Variants in ZNF710 observed in about 807,000 individuals in gnomAD.
The protein encoded by ZNF710 is zinc finger protein 710.
ZNF710 carries 13 observed loss-of-function variants against 50.6 expected under a neutral mutation model. That is an observed-to-expected ratio of 0.26 (90% CI 0.17 to 0.41). ZNF710 has a LOEUF of 0.41. Ranked by LOEUF, ZNF710 falls within the 10% of genes least tolerant of loss-of-function variation. The pLI, the probability that ZNF710 is intolerant of heterozygous loss-of-function variation, is 1.00. For synonymous variants in ZNF710, 383 were observed against 397.0 expected (o/e 0.96, Z 0.42); for missense variants, 721 against 936.6 (o/e 0.77, Z 3.01).
In ZNF710 at chr15:90,004,361, G is replaced by A. The variant is rs190461011; in HGVS notation, c.-29+2747G>A. Among the ~76,000 whole-genome samples the A allele has an allele frequency of 2.6e-5, 4 of 152,324 alleles. No homozygotes were observed. In the East Asian group the frequency reaches 5.8e-4, roughly 22 times the overall value. On this transcript the variant is annotated intron_variant, in intron 1 of 4. Transcript: ENST00000268154. Reference sequence around the variant, plus strand: ...TAAATAAATAAAGGAGGAGTCCAGCGCATCTTGGAGGAGACAAGTGAAGTC... The same window carrying A: ...TAAATAAATAAAGGAGGAGTCCAGCACATCTTGGAGGAGACAAGTGAAGTC...
At chr15:90,051,408 C>T (rs1435658034) in intron 1 of ZNF710, among the ~76,000 whole-genome samples, 5 of 151,930 alleles carry the variant, frequency 3.3e-5, no homozygotes, top group East Asian at 1.9e-4. Flanking sequence ...CTGAGGCGGG[C>T]GGATCGCCTG....
intron 1 of ZNF710, among the ~76,000 whole-genome samples, chr15:90,029,475 C>T (rs1210983972): frequency 1.3e-5 from 2 of 152,172 alleles, no homozygotes. Context: ...GACTTTCAAA[C>T]TTGATAATAG....
chr15:90,035,227 A>C (rs1899084709), intron 1 of ZNF710, among the ~76,000 whole-genome samples: 1 of 152,240 alleles, frequency 6.6e-6, no homozygotes, highest in Non-Finnish European at 1.5e-5. Flanking sequence ...GTGGGGGCTG[A>C]GACATGAGGC....
chr15:90,011,582 A>C (rs1210999757), intron 1 of ZNF710, among the ~76,000 whole-genome samples: 2 of 152,138 alleles, frequency 1.3e-5, no homozygotes, highest in African/African-American at 4.8e-5. Flanking sequence ...TTATAATGTT[A>C]TATACACTTA....
intron 1 of ZNF710, among the ~76,000 whole-genome samples, chr15:90,037,484 C>T (rs138744529): frequency 3.3e-5 from 5 of 152,174 alleles, no homozygotes; most frequent in Admixed American, 2.0e-4. Context: ...GCATAGGTGT[C>T]CCTAGAGAGT....
intron 2 of ZNF710, among the ~76,000 whole-genome samples, chr15:90,070,595 C>T (rs1181946723): frequency 6.6e-6 from 1 of 151,072 alleles, no homozygotes; most frequent in Non-Finnish European, 1.5e-5. Context: ...TCCAGTGAGC[C>T]GAGATCACAC....
intron 1 of ZNF710, among the ~76,000 whole-genome samples, chr15:90,011,201 A>T (rs1465629476): frequency 6.6e-6 from 1 of 152,106 alleles, no homozygotes; most frequent in East Asian, 1.9e-4. Flanking sequence ...AAGTGCTGGG[A>T]TTACAGGCGT....
At chr15:90,052,109 C>G (rs923820314) in intron 1 of ZNF710, among the ~76,000 whole-genome samples, 10 of 152,120 alleles carry the variant, frequency 6.6e-5, no homozygotes, top group Non-Finnish European at 1.5e-4. Context: ...GCTGAGCCAG[C>G]CTTTTAGTGG....
intron 1 of ZNF710, among the ~76,000 whole-genome samples, chr15:90,047,509 C>G (rs904853024): frequency 1.3e-5 from 2 of 152,154 alleles, no homozygotes; most frequent in Admixed American, 6.5e-5. Context: ...CTACGCCTCA[C>G]AGACTAATAC....
intron 2 of ZNF710, among the ~76,000 whole-genome samples, chr15:90,072,099 C>T (rs1301337416): frequency 6.6e-6 from 1 of 152,164 alleles, no homozygotes; most frequent in Admixed American, 6.6e-5. Context: ...CCACCGTGCC[C>T]AGCCCAGCTC....
At chr15:90,000,429 G>C (rs1265103714), upstream of ZNF710, among the ~76,000 whole-genome samples, 1 of 152,046 alleles carries the variant, frequency 6.6e-6, no homozygotes, top group African/African-American at 2.4e-5. Flanking sequence ...GGGACCTGAC[G>C]GCCGCGCTGC....
rs748036712 is a variant in ZNF710, at chr15:90,074,399, C to T, written c.1825+109C>T. 2.6e-5 allele frequency: 41 copies of T among 1,567,172 alleles called. No individual in the cohort carries two copies. In the African/African-American group the frequency reaches 4.2e-4, roughly 16 times the overall value. On this transcript the variant is annotated intron_variant, in intron 4 of 4. Coordinates refer to ENST00000268154, the MANE Select transcript of ZNF710 (RefSeq NM_198526.4). ...GGGAGGCTGGCCAAGGCTGAGACTT[C>T]GTTGGGGTGGGCTCAGGTCTGGAAG... is the stretch of plus-strand genomic sequence containing the variant.
intron 1 of ZNF710, among the ~76,000 whole-genome samples, chr15:90,024,746 C>A (rs977082127): frequency 6.6e-6 from 1 of 152,226 alleles, no homozygotes; most frequent in African/African-American, 2.4e-5. Context: ...AGGTAGGTCT[C>A]CCTGCTAGAT....
At position 90,073,495 on chromosome 15, in the gene ZNF710, T is replaced by C. The variant is rs112059593; in HGVS notation, c.1650+233T>C. Among the ~76,000 whole-genome samples the C allele has an allele frequency of 7.7e-3, 1,165 of 152,224 alleles. 10 individuals are homozygous for C. Among genetic ancestry groups the C allele is most frequent in the African/African-American group, 0.026 (1,096 of 41,520 alleles). Reference sequence around the variant, plus strand: ...AGAGCTGGGGAGGGAGTGAAGGTCATGGTGCAGCCACAGAGAAAGGACCCC... The same window carrying C: ...AGAGCTGGGGAGGGAGTGAAGGTCACGGTGCAGCCACAGAGAAAGGACCCC... On this transcript the variant is annotated intron_variant, in intron 3 of 4. Transcript: ENST00000268154.
Position 90,045,343 on chromosome 15 carries a change from A to G in ZNF710, c.-28-21767A>G, listed in dbSNP as rs539281375. The G allele has an allele frequency of 6.0e-5, 59 of 985,396 alleles. No homozygotes were observed. In the African/African-American group the frequency reaches 9.6e-4, roughly 16 times the overall value. 61.0% of individuals were successfully genotyped at this position (985,396 alleles called of 1,614,324 possible). ...GAAAGAAGGAAGCTGGAAATGGCGG[A>G]TGGCTTCAAGGACGTGAGCCATGGA... On this transcript the variant is annotated intron_variant, in intron 1 of 4. Coordinates refer to ENST00000268154, the MANE Select transcript of ZNF710 (RefSeq NM_198526.4).
chr15:90,016,087 G>A (rs984329573), intron 1 of ZNF710, among the ~76,000 whole-genome samples: 1 of 152,190 alleles, frequency 6.6e-6, no homozygotes, highest in Non-Finnish European at 1.5e-5. Context: ...AGTCGGGGCT[G>A]ACTTTTCATG....
At chr15:90,010,483 A>G (rs549451028) in intron 1 of ZNF710, among the ~76,000 whole-genome samples, 2 of 151,758 alleles carry the variant, frequency 1.3e-5, no homozygotes, top group Non-Finnish European at 2.9e-5. Context: ...TTTTGTAGAG[A>G]TGGGGTTTTT....
At chr15:90,031,000 C>T (rs1307624311) in intron 1 of ZNF710, among the ~76,000 whole-genome samples, 2 of 121,156 alleles carry the variant, frequency 1.7e-5, no homozygotes, top group African/African-American at 7.0e-5. Context: ...GCCTGGGCGA[C>T]AGAGCGAGAC....
Position 90,008,441 on chromosome 15 carries a change from C to CGTATAT in ZNF710, c.-29+6827_-29+6828insGTATAT, listed in dbSNP as rs1220498890. Among the ~76,000 whole-genome samples the CGTATAT allele has an allele frequency of 5.4e-3, 678 of 126,212 alleles. 15 individuals carry two copies. Among genetic ancestry groups the CGTATAT allele is most frequent in the African/African-American group, 0.024 (637 of 26,058 alleles). The allele number at this position is 126,212 out of a possible 152,430, so 82.8% of individuals were successfully genotyped here. ...GTGTGTGTGTGTATATATATATATA[C>CGTATAT]ATATATATATATGTATATATATATA... On this transcript the variant is annotated intron_variant, in intron 1 of 4. Coordinates refer to ENST00000268154, the MANE Select transcript of ZNF710 (RefSeq NM_198526.4).
Sources: allele counts gnomAD v4.1 joint callset (sites outside exome capture counted in the v4.1 genomes callset), GRCh38; gene constraint gnomAD v4.1.1; transcripts MANE v1.5; gene names NCBI Gene and HGNC (gene_info 2026-07-23, HGNC 2026-07-21).